RTL4: variants seen among roughly 807,000 people sequenced by gnomAD.
RTL4 encodes retrotransposon Gag-like protein 4.
RTL4 carries 4 observed loss-of-function variants against 5.3 expected under a neutral mutation model. The observed-to-expected ratio is 0.75, with a 90% CI of 0.37 to 1.72. The LOEUF (loss-of-function observed/expected upper bound fraction) is 1.72, where lower values mean the gene tolerates loss of function less well. Among genes scored for constraint, RTL4 ranks in the 40% most tolerant of loss-of-function variants. The pLI, the probability that RTL4 is intolerant of heterozygous loss-of-function variation, is 0.04. For synonymous variants in RTL4, 98 were observed against 87.3 expected, an observed-to-expected ratio of 1.12 and a Z score of -0.68; for missense variants, 260 against 227.1, an observed-to-expected ratio of 1.14 and a Z score of -0.93.
At chrX:112,453,962 GCTGTGATATTAACTAT>G (rs1310201695), upstream of RTL4, among the ~76,000 whole-genome samples, 41 of 111,399 alleles carry the variant, frequency 3.7e-4, no homozygotes, top group Non-Finnish European at 6.4e-4. Flanking sequence ...GAGCATGCCA[GCTGTGATATTAACTAT>G]CTGTGTGACC....
At chrX:112,392,409 T>C in the RTL4 span, among the ~76,000 whole-genome samples, 10 of 111,709 alleles carry the variant, frequency 9.0e-5, no homozygotes, top group Non-Finnish European at 1.3e-4. Flanking sequence ...GTATCAATAG[T>C]GAAGGCTGCA....
At chrX:112,180,723 C>T in the RTL4 span, among the ~76,000 whole-genome samples, 1 of 111,910 alleles carries the variant, frequency 8.9e-6, no homozygotes, top group Non-Finnish European at 1.9e-5. Context: ...CTTTTCCCCC[C>T]AGTTTTACAG....
the RTL4 span, among the ~76,000 whole-genome samples, chrX:112,261,252 G>T: frequency 9.0e-6 from 1 of 111,416 alleles, no homozygotes. Context: ...AAGTCAAATT[G>T]TCCCTGTTTG....
At chrX:112,328,960 T>C in the RTL4 span, among the ~76,000 whole-genome samples, 8 of 111,279 alleles carry the variant, frequency 7.2e-5, no homozygotes, top group African/African-American at 2.3e-4. Flanking sequence ...TTGAAACCAA[T>C]GAGAACAAAG....
the RTL4 span, among the ~76,000 whole-genome samples, chrX:112,205,629 A>G: frequency 9.0e-6 from 1 of 111,044 alleles, no homozygotes; most frequent in Non-Finnish European, 1.9e-5. Flanking sequence ...ACACACACGC[A>G]CACACACAGG....
At chrX:112,329,030 G>A in the RTL4 span, among the ~76,000 whole-genome samples, 3 of 111,253 alleles carry the variant, frequency 2.7e-5, no homozygotes, top group African/African-American at 9.8e-5. Context: ...AAAATTTATA[G>A]CACTAAATGC....
the RTL4 span, among the ~76,000 whole-genome samples, chrX:112,410,708 CA>C: frequency 9.0e-6 from 1 of 111,071 alleles, no homozygotes; most frequent in Admixed American, 9.6e-5. Context: ...CACAATATGC[CA>C]AAACCTGTGG....
At chrX:112,233,764 T>G in the RTL4 span, among the ~76,000 whole-genome samples, 1 of 111,237 alleles carries the variant, frequency 9.0e-6, no homozygotes, top group South Asian at 3.8e-4. Context: ...CTCACAGATA[T>G]GCAATGAGGA....
the RTL4 span, among the ~76,000 whole-genome samples, chrX:112,276,405 G>A: frequency 8.9e-6 from 1 of 112,115 alleles, no homozygotes; most frequent in Non-Finnish European, 1.9e-5. Context: ...TTGTCAAAAA[G>A]CTTGGGAAAT....
chrX:112,157,869 C>T, the RTL4 span, among the ~76,000 whole-genome samples: 1 of 112,046 alleles, frequency 8.9e-6, no homozygotes, highest in Admixed American at 9.5e-5. Context: ...GACTCTGCTC[C>T]TGCCTTTATA....
the RTL4 span, among the ~76,000 whole-genome samples, chrX:112,195,763 A>T: frequency 9.0e-6 from 1 of 111,406 alleles, no homozygotes; most frequent in Non-Finnish European, 1.9e-5. Flanking sequence ...GATTCCTAGG[A>T]TTTGTCTGTT....
chrX:112,241,526 C>CG, the RTL4 span, among the ~76,000 whole-genome samples: 7 of 112,187 alleles, frequency 6.2e-5, no homozygotes, highest in South Asian at 1.5e-3. Flanking sequence ...ACTTTGCCCA[C>CG]TTTTTGATGG....
At chrX:112,369,904 G>A in the RTL4 span, among the ~76,000 whole-genome samples, 1 of 112,022 alleles carries the variant, frequency 8.9e-6, no homozygotes, top group Admixed American at 9.5e-5. Flanking sequence ...GATTGAATGT[G>A]GCTGCAAGAG....
chrX:112,266,767 CCT>C, the RTL4 span, among the ~76,000 whole-genome samples: 1 of 111,432 alleles, frequency 9.0e-6, no homozygotes, highest in Admixed American at 9.5e-5. Flanking sequence ...CCTTAGACCA[CCT>C]GTTTCCTAAC....
chrX:112,261,971 G>A, the RTL4 span, among the ~76,000 whole-genome samples: 3 of 111,591 alleles, frequency 2.7e-5, no homozygotes, highest in Non-Finnish European at 3.8e-5. Flanking sequence ...AAATGGTGCT[G>A]GGAAAACTGG....
At chrX:112,452,381 G>T (rs1200443570), upstream of RTL4, among the ~76,000 whole-genome samples, 2 of 106,781 alleles carry the variant, frequency 1.9e-5, no homozygotes, top group Non-Finnish European at 3.8e-5. Context: ...GATTACAGGC[G>T]TGAGCCACCA....
At chrX:112,257,043 A>C in the RTL4 span, among the ~76,000 whole-genome samples, 1 of 111,718 alleles carries the variant, frequency 9.0e-6, no homozygotes, top group African/African-American at 3.2e-5. Context: ...AGTAGTAGGA[A>C]ATCTTTACTT....
the RTL4 span, among the ~76,000 whole-genome samples, chrX:112,086,975 G>T: frequency 8.9e-6 from 1 of 112,094 alleles, no homozygotes; most frequent in Non-Finnish European, 1.9e-5. Context: ...TGTAAACAGA[G>T]CTTCACTTCA....
At chrX:112,160,583 G>T in the RTL4 span, among the ~76,000 whole-genome samples, 1 of 111,809 alleles carries the variant, frequency 8.9e-6, no homozygotes, top group African/African-American at 3.3e-5. Flanking sequence ...ATGCCATGGG[G>T]AAGGGAGGGT....
Sources: allele counts gnomAD v4.1 joint callset (sites outside exome capture counted in the v4.1 genomes callset), GRCh38; gene constraint gnomAD v4.1.1; transcripts MANE v1.5; gene names NCBI Gene and HGNC (gene_info 2026-07-23, HGNC 2026-07-21).